The following SLC14A2 variants were observed in gnomAD, a reference collection of about 807,000 sequenced individuals.
SLC14A2 encodes the protein urea transporter 2.
SLC14A2 carries 91 observed loss-of-function variants against 104.6 expected under a neutral mutation model. That is an observed-to-expected ratio of 0.87 (90% CI 0.73 to 1.04). SLC14A2 has a LOEUF of 1.04. SLC14A2 is among the 50% of genes least tolerant of loss of function. The pLI, the probability that SLC14A2 is intolerant of heterozygous loss-of-function variation, is 0.00. For synonymous variants in SLC14A2, 476 were observed against 466.4 expected, an observed-to-expected ratio of 1.02 and a Z score of -0.27; for missense variants, 1,189 against 1,156.0, an observed-to-expected ratio of 1.03 and a Z score of -0.41.
At chr18:45,593,544 C>G (rs1396218959) in intron 2 of SLC14A2, among the ~76,000 whole-genome samples, 1 of 120,560 alleles carries the variant, frequency 8.3e-6, no homozygotes, top group East Asian at 2.6e-4. Flanking sequence ...GGCTGGAGTG[C>G]AGTGGCACGA....
chr18:45,518,749 T>G (rs1317207273), intron 2 of SLC14A2, among the ~76,000 whole-genome samples: 1 of 152,216 alleles, frequency 6.6e-6, no homozygotes, highest in Non-Finnish European at 1.5e-5. Flanking sequence ...AATTGAATTT[T>G]TTTTCTAATT....
At chr18:45,298,134 A>G (rs772195976) in intron 1 of SLC14A2, among the ~76,000 whole-genome samples, 8 of 148,754 alleles carry the variant, frequency 5.4e-5, no homozygotes, top group Non-Finnish European at 1.1e-4. Flanking sequence ...AACTGCACAT[A>G]AGCATCTTTT....
chr18:45,481,545 A>G (rs1209085483), intron 1 of SLC14A2, among the ~76,000 whole-genome samples: 1 of 152,156 alleles, frequency 6.6e-6, no homozygotes, highest in East Asian at 1.9e-4. Flanking sequence ...ACTCTTCCCC[A>G]ACAGTAAGGG....
At chr18:45,393,885 C>T (rs575933355) in intron 1 of SLC14A2, among the ~76,000 whole-genome samples, 26 of 152,320 alleles carry the variant, frequency 1.7e-4, no homozygotes, top group Admixed American at 1.7e-3. Flanking sequence ...TCTATGGTAT[C>T]ATCATCCTTA....
At chr18:45,418,047 C>T (rs560610349) in intron 1 of SLC14A2, among the ~76,000 whole-genome samples, 1 of 152,318 alleles carries the variant, frequency 6.6e-6, no homozygotes, top group East Asian at 1.9e-4. Flanking sequence ...CCATCCATCT[C>T]ATGTCACATC....
intron 1 of SLC14A2, chr18:45,435,361 T>C (rs1468059674): frequency 6.6e-6 from 1 of 152,180 alleles, no homozygotes; most frequent in Non-Finnish European, 1.5e-5. Context: ...GAGCTTAAAT[T>C]ACTTTGGGGA....
chr18:45,678,556 C>A (rs1465461523), intron 18 of SLC14A2, among the ~76,000 whole-genome samples: 1 of 152,224 alleles, frequency 6.6e-6, no homozygotes, highest in Admixed American at 6.5e-5. Flanking sequence ...CTTCCTCAAG[C>A]TTTCAGAACG....
intron 1 of SLC14A2, among the ~76,000 whole-genome samples, chr18:45,412,243 T>C (rs377166070): frequency 2.0e-5 from 3 of 152,296 alleles, no homozygotes; most frequent in African/African-American, 7.2e-5. Flanking sequence ...CATAGTATTG[T>C]GGGGATTTTT....
intron 2 of SLC14A2, among the ~76,000 whole-genome samples, chr18:45,577,694 A>C (rs1220801971): frequency 6.6e-6 from 1 of 152,114 alleles, no homozygotes; most frequent in East Asian, 1.9e-4. Flanking sequence ...GAGACTGAGA[A>C]GTTGTGATCC....
chr18:45,375,842 C>T (rs776179592), intron 1 of SLC14A2, among the ~76,000 whole-genome samples: 1 of 152,214 alleles, frequency 6.6e-6, no homozygotes, highest in African/African-American at 2.4e-5. Flanking sequence ...GGTAGCCTCA[C>T]CACTTTCATC....
intron 1 of SLC14A2, among the ~76,000 whole-genome samples, chr18:45,370,855 C>T (rs984089320): frequency 7.9e-5 from 12 of 152,170 alleles, no homozygotes; most frequent in Admixed American, 7.9e-4. Context: ...TGGCTGACAT[C>T]CCCGCGCATA....
intron 1 of SLC14A2, among the ~76,000 whole-genome samples, chr18:45,296,826 G>A (rs72906615): frequency 0.15 from 22,088 of 145,968 alleles, 1,911 homozygotes; most frequent in African/African-American, 0.26. Flanking sequence ...CAGGGTAGCC[G>A]TCATAAAAAT....
intron 1 of SLC14A2, among the ~76,000 whole-genome samples, chr18:45,344,204 T>G (rs1172214304): frequency 6.6e-6 from 1 of 152,182 alleles, no homozygotes; most frequent in Non-Finnish European, 1.5e-5. Flanking sequence ...ACTGATCTAT[T>G]CATTGGGGGA....
At position 45,509,534 on chromosome 18, in the gene SLC14A2, C is replaced by T. The variant is rs192602733; in HGVS notation, c.-35+26212C>T. Among the ~76,000 whole-genome samples, 626 of 152,188 alleles carry T rather than the reference C, an allele frequency of 4.1e-3. 2 individuals carry two copies. Among genetic ancestry groups the T allele is most frequent in the Admixed American group, 6.7e-3 (102 of 15,294 alleles). ...ATCAAGGTTTAAAAGAAAAAAAAGA[C>T]ATTTACAGAAAAGCCCAGATATGGT... On this transcript the variant is annotated intron_variant, in intron 2 of 20. Transcript: ENST00000586448.
In SLC14A2 at chr18:45,250,751, C is replaced by CTGACTTTTTTTTTT. The variant is rs1165070845; in HGVS notation, c.-125+37561_-125+37562insGACTTTTTTTTTTT. Among the ~76,000 whole-genome samples the CTGACTTTTTTTTTT allele has an allele frequency of 6.4e-4, 73 of 113,896 alleles. 2 individuals carry two copies. The highest frequency in any genetic ancestry group is 9.8e-4 in the African/African-American group (25 of 25,524). The allele number at this position is 113,896 out of a possible 152,430, so 74.7% of individuals were successfully genotyped here. ...AACTGAATCCTCTGGCTAGTGGCTT[C>CTGACTTTTTTTTTT]TTCCTTTTTTTTTTTTTTTTTTTTT... On this transcript the variant is annotated intron_variant, in intron 1 of 20. Coordinates refer to the SLC14A2 transcript ENST00000586448.
intron 1 of SLC14A2, among the ~76,000 whole-genome samples, chr18:45,358,826 T>C (rs2085581511): frequency 6.6e-6 from 1 of 152,064 alleles, no homozygotes; most frequent in Non-Finnish European, 1.5e-5. Context: ...TCCTCCCACC[T>C]CAATCTCCCA....
At chr18:45,434,535 G>A (rs1446842940) in intron 1 of SLC14A2, among the ~76,000 whole-genome samples, 1 of 152,204 alleles carries the variant, frequency 6.6e-6, no homozygotes, top group Non-Finnish European at 1.5e-5. Context: ...TTATGCACAT[G>A]TGGATAGCAC....
At chr18:45,452,592 G>C (rs1033557031) in intron 1 of SLC14A2, among the ~76,000 whole-genome samples, 1 of 152,138 alleles carries the variant, frequency 6.6e-6, no homozygotes. Flanking sequence ...TTAATTTTAT[G>C]TGTTTATTAT....
chr18:45,273,313 T>C (rs2084669893), intron 1 of SLC14A2, among the ~76,000 whole-genome samples: 1 of 152,156 alleles, frequency 6.6e-6, no homozygotes. Context: ...GTCTTGTAAC[T>C]GCCTTGTTGG....
Sources: allele counts gnomAD v4.1 joint callset (sites outside exome capture counted in the v4.1 genomes callset), GRCh38; gene constraint gnomAD v4.1.1; transcripts MANE v1.5; gene names NCBI Gene and HGNC (gene_info 2026-07-23, HGNC 2026-07-21).